CNBD1: variants seen among roughly 807,000 people sequenced by gnomAD.
CNBD1 encodes the protein cyclic nucleotide-binding domain-containing protein 1.
A neutral mutation model predicts 54.4 loss-of-function variants in CNBD1; 71 were observed. The observed-to-expected ratio is 1.30, with a 90% CI of 1.08 to 1.59. The LOEUF is 1.59. CNBD1 is among the 40% of genes most tolerant of loss of function. The pLI, the probability that CNBD1 is intolerant of heterozygous loss-of-function variation, is 0.00. For missense variants in CNBD1, 659 were observed against 518.0 expected, an observed-to-expected ratio of 1.27 and a Z score of -2.64; for synonymous variants, 182 against 170.7, an observed-to-expected ratio of 1.07 and a Z score of -0.51.
intron 10 of CNBD1, among the ~76,000 whole-genome samples, chr8:87,369,986 T>C (rs1810738077): frequency 6.6e-6 from 1 of 152,154 alleles, no homozygotes; most frequent in African/African-American, 2.4e-5. Context: ...TGTTTGGTTT[T>C]TTGTCCCTGC....
chr8:87,202,972 TG>T (rs1813895460), intron 4 of CNBD1, among the ~76,000 whole-genome samples: 1 of 152,148 alleles, frequency 6.6e-6, no homozygotes. Context: ...TGGTTGTACC[TG>T]AAAAATCACA....
chr8:87,101,208 C>T lies in CNBD1; in HGVS notation c.432-104785C>T, dbSNP rs182580047. 1.9e-4 allele frequency among the ~76,000 whole-genome samples: 29 copies of T among 152,246 alleles called. No individual in the cohort carries two copies. The East Asian group carries it at 5.4e-3, about 28-fold the overall frequency. ...ATAAAAATATCAGTCAGCAGAAACTCTAAGATGATCAAGATGTTGTAAGTA... is the reference window on the plus strand; with the variant it reads ...ATAAAAATATCAGTCAGCAGAAACTTTAAGATGATCAAGATGTTGTAAGTA... On this transcript the variant is annotated intron_variant, in intron 4 of 10. Coordinates refer to ENST00000518476, the MANE Select transcript of CNBD1 (RefSeq NM_173538.3).
intron 4 of CNBD1, among the ~76,000 whole-genome samples, chr8:87,071,187 A>T (rs997305187): frequency 3.3e-5 from 5 of 152,054 alleles, no homozygotes; most frequent in Non-Finnish European, 5.9e-5. Context: ...GCATATTTTC[A>T]TGGTTATTCA....
chr8:87,111,292 C>A (rs563436699), intron 4 of CNBD1, among the ~76,000 whole-genome samples: 19 of 152,232 alleles, frequency 1.2e-4, no homozygotes, highest in East Asian at 9.7e-4. Flanking sequence ...ACCAAGTAGG[C>A]CCATGTACCC....
At chr8:87,092,431 A>ATGTGTGTGTGTATATATATACACATATG (rs1260307546) in intron 4 of CNBD1, among the ~76,000 whole-genome samples, 28 of 113,534 alleles carry the variant, frequency 2.5e-4, no homozygotes, top group Admixed American at 4.2e-4. Flanking sequence ...GTATGTATGT[A>ATGTGTGTGTGTATATATATACACATATG]TGTGTGTGTG....
At chr8:87,224,551 G>A (rs1814431700) in intron 5 of CNBD1, among the ~76,000 whole-genome samples, 2 of 151,042 alleles carry the variant, frequency 1.3e-5, no homozygotes, top group Non-Finnish European at 2.9e-5. Flanking sequence ...TCAGATAGTT[G>A]TAGATGTGCG....
intron 3 of CNBD1, among the ~76,000 whole-genome samples, chr8:86,920,967 TGA>T (rs922097894): frequency 3.3e-5 from 5 of 152,206 alleles, no homozygotes; most frequent in African/African-American, 1.2e-4. Flanking sequence ...TCTAAATGTG[TGA>T]GAGCAGAAAA....
At chr8:87,379,821 G>A (rs1811037957) in intron 10 of CNBD1, among the ~76,000 whole-genome samples, 1 of 151,742 alleles carries the variant, frequency 6.6e-6, no homozygotes, top group Admixed American at 6.6e-5. Context: ...AGTTGAAGTA[G>A]AATTATAAAA....
At chr8:87,037,274 T>A (rs1480320562) in intron 4 of CNBD1, among the ~76,000 whole-genome samples, 1 of 152,108 alleles carries the variant, frequency 6.6e-6, no homozygotes, top group Non-Finnish European at 1.5e-5. Flanking sequence ...CTTTTAGGAT[T>A]TTTTTTCTAG....
intron 8 of CNBD1, among the ~76,000 whole-genome samples, chr8:87,321,682 C>A (rs975617454): frequency 1.3e-5 from 2 of 151,990 alleles, no homozygotes; most frequent in South Asian, 2.1e-4. Flanking sequence ...TGCACAAAAA[C>A]TTTTTAATTT....
chr8:87,338,953 T>C (rs1200841662), intron 8 of CNBD1, among the ~76,000 whole-genome samples: 1 of 152,302 alleles, frequency 6.6e-6, no homozygotes, highest in African/African-American at 2.4e-5. Flanking sequence ...GTCTCTGAAC[T>C]GTAAACTTCA....
At chr8:87,170,401 C>A (rs898171636) in intron 4 of CNBD1, among the ~76,000 whole-genome samples, 3 of 152,074 alleles carry the variant, frequency 2.0e-5, no homozygotes, top group Admixed American at 1.3e-4. Flanking sequence ...AATTTGGATA[C>A]CCTTAATAAA....
intron 4 of CNBD1, among the ~76,000 whole-genome samples, chr8:86,962,272 A>C (rs186313413): frequency 8.5e-5 from 13 of 152,240 alleles, no homozygotes; most frequent in Non-Finnish European, 1.9e-4. Flanking sequence ...AAGAAGATCC[A>C]TGAGAAAAGA....
chr8:87,219,837 T>A (rs1187599850), intron 5 of CNBD1, among the ~76,000 whole-genome samples: 1 of 152,032 alleles, frequency 6.6e-6, no homozygotes, highest in Non-Finnish European at 1.5e-5. Flanking sequence ...AAGAGTTAAC[T>A]ATATTTTGGG....
rs541051082 is a variant in CNBD1, at chr8:87,027,553, A to G, written c.431+87799A>G. Among the ~76,000 whole-genome samples, 21 of 152,292 alleles carry G rather than the reference A, an allele frequency of 1.4e-4. No individual in the cohort carries two copies. In the East Asian group the frequency reaches 4.1e-3, roughly 29 times the overall value. ...CCAAAGTGCTGGGATTATAGGCATGAGCCACCGTGCCTGGCCTGGCAGTTT... is the reference window on the plus strand; with the variant it reads ...CCAAAGTGCTGGGATTATAGGCATGGGCCACCGTGCCTGGCCTGGCAGTTT... On this transcript the variant is annotated intron_variant, in intron 4 of 10. Transcript: ENST00000518476.
intron 8 of CNBD1, among the ~76,000 whole-genome samples, chr8:87,308,065 C>A (rs761939495): frequency 6.6e-6 from 1 of 152,072 alleles, no homozygotes; most frequent in Non-Finnish European, 1.5e-5. Context: ...ATTGTCTTTA[C>A]AGCCAACAAG....
chr8:87,409,131 A>T (rs1331185400), intron 2 of CNBD1, among the ~76,000 whole-genome samples: 2 of 152,312 alleles, frequency 1.3e-5, no homozygotes, highest in Middle Eastern at 3.4e-3. Context: ...GAAAGCTTTT[A>T]GCTAAATAGT....
intron 4 of CNBD1, among the ~76,000 whole-genome samples, chr8:87,204,072 G>A (rs148611014): frequency 1.2e-3 from 186 of 152,290 alleles, no homozygotes; most frequent in African/African-American, 4.2e-3. Context: ...AAGAACACTG[G>A]AGATCATGTT....
intron 3 of CNBD1, among the ~76,000 whole-genome samples, chr8:86,915,772 C>T (rs1809174279): frequency 6.6e-6 from 1 of 152,188 alleles, no homozygotes; most frequent in African/African-American, 2.4e-5. Flanking sequence ...TGTGCATTGC[C>T]TTGACATATA....
Sources: gnomAD v4.1 joint callset for allele counts (sites outside exome capture counted in the v4.1 genomes callset) on GRCh38, gnomAD v4.1.1 for gene constraint, MANE v1.5 for transcripts, NCBI Gene and HGNC (gene_info 2026-07-23, HGNC 2026-07-21) for gene names.